CD300A: variants seen among roughly 807,000 people sequenced by gnomAD.
CD300A encodes the protein CD300a molecule, also known as CMRF35-like molecule 8.
In CD300A, 22 loss-of-function variants were observed where a neutral mutation model predicts 33.6. The observed-to-expected ratio is 0.66, with a 90% CI of 0.47 to 0.94. CD300A has a LOEUF of 0.94. Among genes scored for constraint, CD300A ranks in the 40% least tolerant of loss-of-function variants. The probability of loss-of-function intolerance (pLI) is 0.00; values close to 1 mark genes in which losing one functional copy is unlikely to be tolerated. For synonymous variants in CD300A, 136 were observed against 148.1 expected, an observed-to-expected ratio of 0.92 and a Z score of 0.59; for missense variants, 326 against 360.5, an observed-to-expected ratio of 0.90 and a Z score of 0.77.
intron 3 of CD300A, among the ~76,000 whole-genome samples, chr17:74,475,520 G>C (rs1158269807): frequency 1.3e-5 from 2 of 152,146 alleles, no homozygotes; most frequent in Admixed American, 6.6e-5. Flanking sequence ...CTAAATAGTG[G>C]TTCTTAACCT....
At chr17:74,474,496 C>G in intron 2 of CD300A, 36 bp from the exon 3 acceptor site, 1 of 1,608,432 alleles carries the variant, frequency 6.2e-7, no homozygotes. Context: ...AGCCAGAGGA[C>G]AGCTCCCTGG....
intron 4 of CD300A, among the ~76,000 whole-genome samples, chr17:74,479,061 G>GT (rs1365180887): frequency 6.6e-6 from 1 of 152,062 alleles, no homozygotes; most frequent in Non-Finnish European, 1.5e-5. Context: ...TGAAAAGGAT[G>GT]TATGTGATTA....
At chr17:74,481,245 CATT>C (rs1906821212) in intron 4 of CD300A, 41 bp from the exon 5 acceptor site, 1 of 1,599,602 alleles carries the variant, frequency 6.3e-7, no homozygotes. Flanking sequence ...CCATCCTGGC[CATT>C]GTTCCGGGAT....
intron 1 of CD300A, 200 bp downstream of exon 1, chr17:74,466,943 G>A (rs1905751662): frequency 2.0e-5 from 29 of 1,437,056 alleles, no homozygotes; most frequent in Non-Finnish European, 5.5e-6. Flanking sequence ...GCCTCTCCCG[G>A]CTCTGCACCC....
chr17:74,472,916 C>T (rs1296784569), intron 1 of CD300A, among the ~76,000 whole-genome samples: 6 of 152,182 alleles, frequency 3.9e-5, no homozygotes, highest in African/African-American at 1.2e-4. Flanking sequence ...AGCCAGTATT[C>T]TTGTCAAAAT....
chr17:74,483,345 T>C (rs1361290321), intron 6 of CD300A, among the ~76,000 whole-genome samples: 5 of 147,682 alleles, frequency 3.4e-5, no homozygotes, highest in Non-Finnish European at 7.4e-5. Flanking sequence ...CCTTTTTTTT[T>C]CTTTTCTTTT....
intron 1 of CD300A, chr17:74,467,003 G>C: frequency 7.3e-7 from 1 of 1,378,068 alleles, no homozygotes; most frequent in Non-Finnish European, 9.4e-7. Flanking sequence ...GGTGGGTGCA[G>C]AAAAGGGACC....
chr17:74,470,242 G>C (rs1238135881), intron 1 of CD300A: 2 of 985,240 alleles, frequency 2.0e-6, no homozygotes, highest in Non-Finnish European at 2.4e-6. Flanking sequence ...GATCGTTCCA[G>C]GTAAGTGGGG....
chr17:74,476,154 G>GT (rs1467124945), intron 3 of CD300A, among the ~76,000 whole-genome samples: 2 of 152,192 alleles, frequency 1.3e-5, no homozygotes, highest in Non-Finnish European at 2.9e-5. Context: ...TCTTTGGGAG[G>GT]TTGGGCTGGC....
At chr17:74,467,662 G>A (rs1905814267) in intron 1 of CD300A, among the ~76,000 whole-genome samples, 1 of 152,206 alleles carries the variant, frequency 6.6e-6, no homozygotes, top group Admixed American at 6.5e-5. Context: ...TTACAGATCG[G>A]AGGTTTTCTG....
At chr17:74,481,604 G>A (rs1324301706) in intron 5 of CD300A, 122 bp from the exon 6 acceptor site, 2 of 737,140 alleles carry the variant, frequency 2.7e-6, no homozygotes, top group Non-Finnish European at 4.6e-6. Context: ...GGTGGAGGCA[G>A]GAAGGGGAAG....
intron 1 of CD300A, among the ~76,000 whole-genome samples, chr17:74,470,808 C>G (rs532009056): frequency 6.6e-6 from 1 of 151,980 alleles, no homozygotes; most frequent in South Asian, 2.1e-4. Context: ...GCCACCATGC[C>G]TGGCTAATTT....
intron 3 of CD300A, 94 bp downstream of exon 3, chr17:74,474,779 GTGCATCGCTCCCTT>G: frequency 7.3e-7 from 1 of 1,363,738 alleles, no homozygotes; most frequent in Non-Finnish European, 1.0e-6. Flanking sequence ...AGCTGGAGGT[GTGCATCGCTCCCTT>G]TGCCCCAGGC....
At chr17:74,470,018 G>A (rs1905990299) in intron 1 of CD300A, 1 of 985,142 alleles carries the variant, frequency 1.0e-6, no homozygotes, top group African/African-American at 1.7e-5. Context: ...CTCTTGAGTT[G>A]GACAATTCAG....
In CD300A at chr17:74,481,750, T is replaced by C. The variant is rs1189327222; in HGVS notation, c.691T>C (p.Tyr231His). Residue 231 changes from tyrosine to histidine, a missense_variant, in exon 6 of 7, where the codon TAC (tyrosine) becomes CAC (histidine). Coordinates refer to ENST00000360141, the MANE Select transcript of CD300A (RefSeq NM_007261.4). ...GGCTGCCACGCAGAGTGAGCTGCAC[T>C]ACGCAAATCTGGAGCTGCTGATGTG... ...KQAATQSELH[Y>H]ANLELLMWPL... 4 of 1,611,970 alleles carry C rather than the reference T, an allele frequency of 2.5e-6. No homozygotes were observed. Among genetic ancestry groups the C allele is most frequent in the Non-Finnish European group, 3.4e-6 (4 of 1,179,426 alleles).
chr17:74,468,710 G>A lies in CD300A; in HGVS notation c.40+1967G>A, dbSNP rs143724982. 5.8e-3 allele frequency among the ~76,000 whole-genome samples: 880 copies of A among 152,194 alleles called. 11 individuals are homozygous for A. Among genetic ancestry groups the A allele is most frequent in the African/African-American group, 0.02 (839 of 41,514 alleles). On this transcript the variant is annotated intron_variant, in intron 1 of 6. Transcript: ENST00000360141. ...TCACTCTATCACCCAGGGCTGGAGTGCAGTGGCTTGATCTCAGCTCACTGC... is the reference window on the plus strand; with the variant it reads ...TCACTCTATCACCCAGGGCTGGAGTACAGTGGCTTGATCTCAGCTCACTGC...
rs550367422 is a variant in CD300A, at chr17:74,483,006, G to A, written c.775-995G>A. On this transcript the variant is annotated intron_variant, in intron 6 of 6. Coordinates refer to ENST00000360141, the MANE Select transcript of CD300A (RefSeq NM_007261.4). ...ATTACAGTACTGAGCCACCACACCC[G>A]GCCAGCTCCTGGCCAAGTTTCTGAG... is the stretch of plus-strand genomic sequence containing the variant. Among the ~76,000 whole-genome samples the A allele has an allele frequency of 3.9e-5, 6 of 151,994 alleles. No individual in the cohort carries two copies. The East Asian group carries it at 5.8e-4, about 15-fold the overall frequency.
chr17:74,466,581 G>A, upstream of CD300A: 1 of 1,160,480 alleles, frequency 8.6e-7, no homozygotes, highest in Non-Finnish European at 1.2e-6. Flanking sequence ...AAAAGAAGCT[G>A]AACAAGGAAG....
rs560699804 is a variant in CD300A, at chr17:74,480,909, C to A, written c.629-380C>A. On this transcript the variant is annotated intron_variant, in intron 4 of 6. Coordinates refer to ENST00000360141, the MANE Select transcript of CD300A (RefSeq NM_007261.4). The surrounding 1 kb of genome is among the most constrained non-coding windows in gnomAD (Gnocchi z 4.2). ...ACTACAGGGCGTGTGCCACCATGCC[C>A]AGCTAATATTTGTATTTTTAGTAGA... Among the ~76,000 whole-genome samples, 6 of 152,220 alleles carry A rather than the reference C, an allele frequency of 3.9e-5. No homozygotes were observed. The South Asian group carries it at 1.2e-3, about 32-fold the overall frequency.
Sources: allele counts gnomAD v4.1 joint callset (sites outside exome capture counted in the v4.1 genomes callset), GRCh38; gene constraint gnomAD v4.1.1; non-coding constraint Gnocchi (gnomAD v3.1); transcripts MANE v1.5; gene names NCBI Gene and HGNC (gene_info 2026-07-23, HGNC 2026-07-21).